INSR: variants seen among roughly 807,000 people sequenced by gnomAD.
INSR encodes the protein insulin receptor.
Under a neutral mutation model 142.6 loss-of-function variants are expected in INSR, and 67 were observed. The ratio of observed to expected loss-of-function variants is 0.47; its 90% CI spans 0.39 to 0.58. The LOEUF is 0.58. Ranked by LOEUF, INSR falls within the 20% of genes least tolerant of loss-of-function variation. The pLI is 0.00. For synonymous variants in INSR, 756 were observed against 743.1 expected (o/e 1.02, Z -0.28); for missense variants, 1,248 against 1,833.2 (o/e 0.68, Z 5.83).
intron 2 of INSR, among the ~76,000 whole-genome samples, chr19:7,199,380 G>A (rs1005664169): frequency 6.6e-6 from 1 of 151,652 alleles, no homozygotes; most frequent in Non-Finnish European, 1.5e-5. Flanking sequence ...GGGGGAGTGG[G>A]AGTTTGTTTG....
intron 2 of INSR, among the ~76,000 whole-genome samples, chr19:7,191,376 G>T (rs943442038): frequency 1.4e-5 from 2 of 146,624 alleles, no homozygotes; most frequent in African/African-American, 5.0e-5. Flanking sequence ...AGGAGGGAAA[G>T]AAAAGAAAGA....
intron 2 of INSR, among the ~76,000 whole-genome samples, chr19:7,208,423 G>A (rs1207779137): frequency 4.0e-5 from 6 of 151,194 alleles, no homozygotes; most frequent in Non-Finnish European, 5.9e-5. Context: ...CTTAGCAACC[G>A]GAAAAAAAAA....
At chr19:7,189,642 C>G (rs1974522669) in intron 2 of INSR, among the ~76,000 whole-genome samples, 1 of 151,806 alleles carries the variant, frequency 6.6e-6, no homozygotes, top group South Asian at 2.1e-4. Flanking sequence ...GTTAAATGTA[C>G]CTGTAATTGA....
chr19:7,115,935 C>G lies in INSR; in HGVS notation c.*1121G>C, dbSNP rs1406670646. The G allele has an allele frequency of 1.3e-5, 2 of 152,228 alleles. No individual in the cohort carries two copies. Among genetic ancestry groups the G allele is most frequent in the African/African-American group, 2.4e-5 (1 of 41,426 alleles). 9.4% of individuals were successfully genotyped at this position (152,228 alleles called of 1,614,324 possible). A position where few individuals can be genotyped will look rare whatever the true frequency, so the allele number is the denominator to read the frequency against. The stretch of plus-strand genomic sequence containing the variant: ...GGCCACTTGTGCCTGACTCCCTCCC[C>G]TTCCCGGCCCCACAACAGGCAGACC... On this transcript the variant is annotated 3_prime_UTR_variant, in exon 22 of 22. Coordinates refer to ENST00000302850, the MANE Select transcript of INSR (RefSeq NM_000208.4).
At chr19:7,155,021 A>C (rs1163673413) in intron 9 of INSR, among the ~76,000 whole-genome samples, 39 of 152,186 alleles carry the variant, frequency 2.6e-4, no homozygotes. Context: ...TACAGTCTAC[A>C]ATAAACTCAT....
chr19:7,157,131 C>T (rs1225219994), intron 9 of INSR, among the ~76,000 whole-genome samples: 4 of 152,216 alleles, frequency 2.6e-5, no homozygotes, highest in Non-Finnish European at 5.9e-5. Flanking sequence ...CAGGCGTGCA[C>T]CACCATGCCC....
chr19:7,239,459 C>A (rs964750878), intron 2 of INSR, among the ~76,000 whole-genome samples: 1 of 152,122 alleles, frequency 6.6e-6, no homozygotes. Context: ...AATTTTCCTG[C>A]AGCCTTGCCC....
intron 14 of INSR, among the ~76,000 whole-genome samples, chr19:7,131,738 C>T (rs1204447040): frequency 7.0e-6 from 1 of 142,980 alleles, no homozygotes; most frequent in African/African-American, 2.6e-5. Context: ...GTGGCTCATG[C>T]CTGTAATTCC....
At chr19:7,193,026 A>T (rs1181897193) in intron 2 of INSR, among the ~76,000 whole-genome samples, 2 of 152,186 alleles carry the variant, frequency 1.3e-5, no homozygotes, top group Non-Finnish European at 2.9e-5. Context: ...GAGTCACAGA[A>T]ACACCAATTT....
intron 1 of INSR, among the ~76,000 whole-genome samples, chr19:7,291,218 C>G (rs1968486584): frequency 6.6e-6 from 1 of 152,136 alleles, no homozygotes; most frequent in Non-Finnish European, 1.5e-5. Context: ...TACGGAGGCT[C>G]GGACTCAAAA....
At chr19:7,163,244 C>G in intron 8 of INSR, 45 bp from the exon 9 acceptor site, 1 of 1,563,458 alleles carries the variant, frequency 6.4e-7, no homozygotes, top group Non-Finnish European at 8.8e-7. Flanking sequence ...AAACAGTGTG[C>G]AAAGAAAGCT....
intron 2 of INSR, among the ~76,000 whole-genome samples, chr19:7,233,532 G>A (rs1200302917): frequency 6.6e-6 from 1 of 152,008 alleles, no homozygotes; most frequent in African/African-American, 2.4e-5. Context: ...CCCTATCAAT[G>A]AAAGAAACCC....
At chr19:7,220,351 T>C (rs10413173) in intron 2 of INSR, among the ~76,000 whole-genome samples, 30,457 of 152,170 alleles carry the variant, frequency 0.2, 3,241 homozygotes, top group South Asian at 0.29. Flanking sequence ...AGTGCAGTGG[T>C]GCGATCTTGG....
At chr19:7,152,431 C>T (rs891086271) in intron 10 of INSR, 3 of 441,894 alleles carry the variant, frequency 6.8e-6, no homozygotes, top group African/African-American at 2.0e-5. Context: ...AATCGTCTAA[C>T]GGAGTTTGTT....
chr19:7,206,452 A>G (rs1975106482), intron 2 of INSR, among the ~76,000 whole-genome samples: 1 of 152,176 alleles, frequency 6.6e-6, no homozygotes, highest in Non-Finnish European at 1.5e-5. Context: ...CGAGCGATGG[A>G]AGCTTCATCT....
intron 9 of INSR, among the ~76,000 whole-genome samples, chr19:7,158,458 G>T (rs929453957): frequency 1.3e-5 from 2 of 152,112 alleles, no homozygotes; most frequent in Non-Finnish European, 2.9e-5. Flanking sequence ...CCGAGATCAC[G>T]CCACTGAACT....
At chr19:7,140,356 T>C (rs8101107) in intron 13 of INSR, among the ~76,000 whole-genome samples, 144,821 of 152,282 alleles carry the variant, frequency 0.95, 68,895 homozygotes, top group East Asian at 1. Flanking sequence ...GTTTTATTGG[T>C]ACACAACCAC....
At chr19:7,118,714 C>A (rs1431158009) in intron 21 of INSR, among the ~76,000 whole-genome samples, 5 of 147,180 alleles carry the variant, frequency 3.4e-5, no homozygotes, top group African/African-American at 7.6e-5. Flanking sequence ...GTCAGGAGAT[C>A]GAGACCACGG....
intron 1 of INSR, among the ~76,000 whole-genome samples, chr19:7,290,983 T>TC (rs1968478056): frequency 1.3e-5 from 2 of 149,612 alleles, no homozygotes; most frequent in Non-Finnish European, 3.0e-5. Context: ...GGCAGGAGAA[T>TC]CCCTTGAACC....
Sources: gnomAD v4.1 joint callset for allele counts (sites outside exome capture counted in the v4.1 genomes callset) on GRCh38, gnomAD v4.1.1 for gene constraint, MANE v1.5 for transcripts, NCBI Gene and HGNC (gene_info 2026-07-23, HGNC 2026-07-21) for gene names.